The following ASIC2 variants were observed in gnomAD, a reference collection of about 807,000 sequenced individuals.
The protein encoded by ASIC2 is acid-sensing ion channel 2.
Under a neutral mutation model 57.3 loss-of-function variants are expected in ASIC2, and 25 were observed. That is an observed-to-expected ratio of 0.44 (90% confidence interval 0.32 to 0.61). The LOEUF is 0.61. Ranked by LOEUF, ASIC2 falls within the 20% of genes least tolerant of loss-of-function variation. The probability of loss-of-function intolerance (pLI) is 0.06; values close to 1 mark genes in which losing one functional copy is unlikely to be tolerated. For missense variants in ASIC2, 641 were observed against 738.1 expected, an observed-to-expected ratio of 0.87 and a Z score of 1.52; for synonymous variants, 319 against 307.5, an observed-to-expected ratio of 1.04 and a Z score of -0.39.
intron 1 of ASIC2, among the ~76,000 whole-genome samples, chr17:33,888,883 C>T (rs1393202986): frequency 2.6e-5 from 4 of 152,110 alleles, no homozygotes; most frequent in Admixed American, 1.3e-4. Context: ...CTCCCACAAT[C>T]GGTCCACAGT....
chr17:34,156,631 A>T lies in ASIC2; in HGVS notation c.-99T>A. ...CTGCTTAAACCTTGACGTTCAGGGG[A>T]GAGAACGCAAGGCAAGCATCGCGCC... is the stretch of plus-strand genomic sequence containing the variant. On this transcript the variant is annotated 5_prime_UTR_variant, in exon 1 of 10. Transcript: ENST00000359872. The surrounding 1 kb of genome is among the most constrained non-coding windows in gnomAD (Gnocchi z 4.4). 7.9e-7 allele frequency: 1 copy of T among 1,271,408 alleles called. No homozygotes were observed. The highest frequency in any genetic ancestry group is 1.5e-5 in the South Asian group (1 of 64,990). 78.8% of individuals were successfully genotyped at this position (1,271,408 alleles called of 1,614,324 possible). A position where few individuals can be genotyped will look rare whatever the true frequency, so the allele number is the denominator to read the frequency against.
At chr17:34,058,099 C>A (rs567243834) in intron 1 of ASIC2, among the ~76,000 whole-genome samples, 2 of 152,326 alleles carry the variant, frequency 1.3e-5, no homozygotes, top group Admixed American at 6.5e-5. Flanking sequence ...GTCACAGCTC[C>A]TTACCTGAAA....
intron 1 of ASIC2, among the ~76,000 whole-genome samples, chr17:34,123,293 C>G (rs1911681565): frequency 6.6e-6 from 1 of 152,212 alleles, no homozygotes; most frequent in Non-Finnish European, 1.5e-5. Flanking sequence ...TCAAGCAGAG[C>G]TGGCACCATT....
chr17:33,142,766 A>T (rs547621674), intron 1 of ASIC2, among the ~76,000 whole-genome samples: 3 of 152,236 alleles, frequency 2.0e-5, no homozygotes, highest in Non-Finnish European at 4.4e-5. Context: ...GTATTATTTT[A>T]TCATGTGTCT....
chr17:33,523,451 G>A (rs910116362), intron 1 of ASIC2, among the ~76,000 whole-genome samples: 12 of 152,102 alleles, frequency 7.9e-5, no homozygotes, highest in Non-Finnish European at 1.3e-4. Flanking sequence ...TAGAGATGGA[G>A]TTTCACCATA....
intron 1 of ASIC2, among the ~76,000 whole-genome samples, chr17:33,702,060 T>C (rs1278722071): frequency 1.3e-5 from 2 of 152,124 alleles, no homozygotes; most frequent in Non-Finnish European, 2.9e-5. Flanking sequence ...TTCTGGAAGG[T>C]GGTAACTTCT....
At chr17:33,303,255 C>T (rs941728104) in intron 1 of ASIC2, among the ~76,000 whole-genome samples, 2 of 152,148 alleles carry the variant, frequency 1.3e-5, no homozygotes, top group African/African-American at 4.8e-5. Flanking sequence ...TGCAAAAACC[C>T]TTGGGGGAGA....
At chr17:33,819,479 A>G (rs1471384660) in intron 1 of ASIC2, among the ~76,000 whole-genome samples, 2 of 152,242 alleles carry the variant, frequency 1.3e-5, no homozygotes, top group Non-Finnish European at 2.9e-5. Flanking sequence ...AATTGCATTA[A>G]TGCTCTGTAC....
At chr17:33,586,759 A>C (rs563905895) in intron 1 of ASIC2, among the ~76,000 whole-genome samples, 4 of 152,180 alleles carry the variant, frequency 2.6e-5, no homozygotes, top group Admixed American at 2.6e-4. Flanking sequence ...AACTGGCTCC[A>C]TCCCTTTCAC....
At chr17:33,591,459 T>C (rs950335999) in intron 1 of ASIC2, among the ~76,000 whole-genome samples, 7 of 152,316 alleles carry the variant, frequency 4.6e-5, no homozygotes, top group African/African-American at 1.7e-4. Context: ...TTCTGACCTT[T>C]TCTCAGTGCA....
At chr17:33,435,438 T>A (rs1199204966) in intron 1 of ASIC2, among the ~76,000 whole-genome samples, 1 of 152,120 alleles carries the variant, frequency 6.6e-6, no homozygotes, top group Non-Finnish European at 1.5e-5. Context: ...TCCATTTGAG[T>A]ATCAATAAGA....
intron 1 of ASIC2, among the ~76,000 whole-genome samples, chr17:33,356,701 CT>C (rs1241233176): frequency 7.9e-5 from 12 of 152,162 alleles, no homozygotes; most frequent in Non-Finnish European, 1.8e-4. Flanking sequence ...CAACACCTGG[CT>C]GCACAATTTG....
intron 1 of ASIC2, among the ~76,000 whole-genome samples, chr17:33,353,068 G>T (rs1908246437): frequency 1.3e-5 from 2 of 152,140 alleles, no homozygotes; most frequent in African/African-American, 4.8e-5. Context: ...CATTCCCAGA[G>T]CCCAGCACAA....
chr17:33,802,292 A>G (rs1351571135), intron 1 of ASIC2, among the ~76,000 whole-genome samples: 1 of 152,242 alleles, frequency 6.6e-6, no homozygotes, highest in Non-Finnish European at 1.5e-5. Context: ...GCTGTCCCAT[A>G]TAGCCTAGGT....
At chr17:34,099,654 A>T (rs896266593) in intron 1 of ASIC2, among the ~76,000 whole-genome samples, 13 of 147,358 alleles carry the variant, frequency 8.8e-5, no homozygotes, top group African/African-American at 2.6e-4. Flanking sequence ...AAAGAGAGGA[A>T]GGAAGGAAGG....
intron 1 of ASIC2, among the ~76,000 whole-genome samples, chr17:33,428,669 A>G (rs1911299254): frequency 6.6e-6 from 1 of 152,164 alleles, no homozygotes; most frequent in African/African-American, 2.4e-5. Flanking sequence ...TCCACAGTCC[A>G]TAGCTTTGAC....
At chr17:33,412,676 AGT>A (rs1257732157) in intron 1 of ASIC2, among the ~76,000 whole-genome samples, 1 of 152,152 alleles carries the variant, frequency 6.6e-6, no homozygotes, top group Non-Finnish European at 1.5e-5. Context: ...TCTTGGGTTG[AGT>A]GGATAAACAT....
chr17:33,635,397 G>A (rs995062763), intron 1 of ASIC2, among the ~76,000 whole-genome samples: 13 of 152,122 alleles, frequency 8.5e-5, no homozygotes, highest in African/African-American at 2.9e-4. Flanking sequence ...ATTATCTCAC[G>A]GCTGTGAGGC....
chr17:33,724,228 C>T (rs558762409), intron 1 of ASIC2, among the ~76,000 whole-genome samples: 4 of 152,174 alleles, frequency 2.6e-5, no homozygotes, highest in East Asian at 1.9e-4. Context: ...TCCCCAGCCA[C>T]GAGGAACTGT....
Sources: gnomAD v4.1 joint callset for allele counts (sites outside exome capture counted in the v4.1 genomes callset) on GRCh38, gnomAD v4.1.1 for gene constraint, Gnocchi (gnomAD v3.1) non-coding constraint, MANE v1.5 for transcripts, NCBI Gene and HGNC (gene_info 2026-07-23, HGNC 2026-07-21) for gene names.